The following NRG3 variants were observed in gnomAD, a reference collection of about 807,000 sequenced individuals.
The protein encoded by NRG3 is neuregulin 3, also known as pro-neuregulin-3, membrane-bound isoform.
NRG3 carries 31 observed loss-of-function variants against 66.9 expected under a neutral mutation model. That is an observed-to-expected ratio of 0.46 (90% CI 0.35 to 0.63). The LOEUF is 0.63. NRG3 is among the 20% of genes least tolerant of loss of function. The probability of loss-of-function intolerance (pLI) is 0.00; values close to 1 mark genes in which losing one functional copy is unlikely to be tolerated. For missense variants in NRG3, 910 were observed against 878.9 expected, an observed-to-expected ratio of 1.04 and a Z score of -0.45; for synonymous variants, 393 against 359.4, an observed-to-expected ratio of 1.09 and a Z score of -1.06.
chr10:82,821,064 C>G (rs909740046), intron 3 of NRG3, among the ~76,000 whole-genome samples: 4 of 152,150 alleles, frequency 2.6e-5, no homozygotes, highest in African/African-American at 9.7e-5. Context: ...CTTATTCAAG[C>G]AAGGTATTTA....
intron 4 of NRG3, among the ~76,000 whole-genome samples, chr10:82,888,940 C>T (rs1468181913): frequency 6.6e-6 from 1 of 151,964 alleles, no homozygotes; most frequent in African/African-American, 2.4e-5. Flanking sequence ...AATTCAAGCG[C>T]AAGGCAACTG....
chr10:82,824,256 A>G (rs1160229314), intron 3 of NRG3, among the ~76,000 whole-genome samples: 3 of 152,214 alleles, frequency 2.0e-5, no homozygotes, highest in Non-Finnish European at 4.4e-5. Flanking sequence ...TGGATATACC[A>G]CAGTTTATCT....
intron 2 of NRG3, among the ~76,000 whole-genome samples, chr10:82,497,408 C>G (rs1194268129): frequency 1.3e-5 from 2 of 152,148 alleles, no homozygotes; most frequent in African/African-American, 4.8e-5. Flanking sequence ...AATCACCATT[C>G]TACTCTCTAC....
At chr10:82,435,129 A>T (rs1270260177) in intron 2 of NRG3, among the ~76,000 whole-genome samples, 1 of 151,850 alleles carries the variant, frequency 6.6e-6, no homozygotes, top group African/African-American at 2.4e-5. Context: ...AGAGCTTGTT[A>T]TTGGTTTATT....
At chr10:82,534,292 C>T (rs1191779559) in intron 2 of NRG3, among the ~76,000 whole-genome samples, 5 of 150,126 alleles carry the variant, frequency 3.3e-5, no homozygotes, top group Non-Finnish European at 5.9e-5. Flanking sequence ...GACAGAGTAT[C>T]GCTGTATTGC....
At chr10:82,722,028 A>ATATGTTCTC (rs1275466821) in intron 2 of NRG3, among the ~76,000 whole-genome samples, 1 of 152,162 alleles carries the variant, frequency 6.6e-6, no homozygotes, top group Non-Finnish European at 1.5e-5. Context: ...CCAAAAGAAC[A>ATATGTTCTC]TATGTTCTCA....
At chr10:82,181,870 T>C (rs947760252) in intron 1 of NRG3, among the ~76,000 whole-genome samples, 1 of 151,864 alleles carries the variant, frequency 6.6e-6, no homozygotes, top group African/African-American at 2.4e-5. Context: ...TCTACTGTTA[T>C]TGTGTTGCTG....
intron 1 of NRG3, among the ~76,000 whole-genome samples, chr10:81,996,247 T>G (rs1356038827): frequency 3.3e-5 from 5 of 152,186 alleles, no homozygotes; most frequent in African/African-American, 1.2e-4. Context: ...GTCATAATAT[T>G]TCTACAAGGT....
At chr10:82,464,429 C>G (rs1272933045) in intron 2 of NRG3, among the ~76,000 whole-genome samples, 1 of 152,160 alleles carries the variant, frequency 6.6e-6, no homozygotes, top group African/African-American at 2.4e-5. Context: ...GCAGCGGAAT[C>G]CAAACTACCA....
intron 1 of NRG3, among the ~76,000 whole-genome samples, chr10:82,349,830 A>G (rs1310015761): frequency 6.6e-6 from 1 of 152,206 alleles, no homozygotes; most frequent in Non-Finnish European, 1.5e-5. Flanking sequence ...CCGATTTTCC[A>G]GGTGTGTCTG....
At chr10:82,138,343 CT>C (rs1405949068) in intron 1 of NRG3, among the ~76,000 whole-genome samples, 1 of 152,124 alleles carries the variant, frequency 6.6e-6, no homozygotes, top group Non-Finnish European at 1.5e-5. Context: ...TAATTATTAG[CT>C]AACTTAAATA....
chr10:82,282,708 A>T (rs983632004), intron 1 of NRG3, among the ~76,000 whole-genome samples: 1 of 152,170 alleles, frequency 6.6e-6, no homozygotes, highest in African/African-American at 2.4e-5. Context: ...ATGCATCCTC[A>T]CTGTTAGGAA....
intron 2 of NRG3, among the ~76,000 whole-genome samples, chr10:82,650,666 C>T (rs2051340531): frequency 6.6e-6 from 1 of 152,234 alleles, no homozygotes; most frequent in Non-Finnish European, 1.5e-5. Context: ...CAGTGGTTAA[C>T]TGGTTAAGTC....
chr10:81,903,079 G>C (rs532762230), intron 1 of NRG3, among the ~76,000 whole-genome samples: 2 of 152,188 alleles, frequency 1.3e-5, no homozygotes, highest in East Asian at 1.9e-4. Context: ...TGATGGTTAG[G>C]TTTTGTAACC....
chr10:82,757,557 C>T (rs1220459698), intron 3 of NRG3, among the ~76,000 whole-genome samples: 1 of 152,028 alleles, frequency 6.6e-6, no homozygotes, highest in East Asian at 1.9e-4. Context: ...ACCTGATATG[C>T]TCAAAACAAA....
At chr10:82,872,677 A>G (rs755475100) in intron 4 of NRG3, among the ~76,000 whole-genome samples, 4 of 152,068 alleles carry the variant, frequency 2.6e-5, no homozygotes, top group African/African-American at 4.8e-5. Context: ...AAAGCTACAC[A>G]TAAGTGAGGT....
intron 2 of NRG3, among the ~76,000 whole-genome samples, chr10:82,368,460 TAGG>T (rs1278572699): frequency 7.2e-6 from 1 of 138,840 alleles, no homozygotes; most frequent in East Asian, 2.1e-4. Flanking sequence ...CAGGCAGAAA[TAGG>T]AGGCCACCTT....
chr10:82,684,750 G>T (rs565514587), intron 2 of NRG3, among the ~76,000 whole-genome samples: 1 of 152,234 alleles, frequency 6.6e-6, no homozygotes, highest in South Asian at 2.1e-4. Flanking sequence ...AGATGCTGTA[G>T]AAAGGAGAGA....
chr10:82,677,540 T>C (rs1027267908), intron 2 of NRG3, among the ~76,000 whole-genome samples: 1 of 152,172 alleles, frequency 6.6e-6, no homozygotes, highest in Non-Finnish European at 1.5e-5. Context: ...TTTCTTCTCT[T>C]ATGGCCATTT....
Sources: gnomAD v4.1 joint callset for allele counts (sites outside exome capture counted in the v4.1 genomes callset) on GRCh38, gnomAD v4.1.1 for gene constraint, MANE v1.5 for transcripts, NCBI Gene and HGNC (gene_info 2026-07-23, HGNC 2026-07-21) for gene names.